KAT6A: variants seen among roughly 807,000 people sequenced by gnomAD.
KAT6A encodes the protein lysine acetyltransferase 6A.
In KAT6A, 9 loss-of-function variants were observed where a neutral mutation model predicts 198.4. That is an observed-to-expected ratio of 0.05 (90% CI 0.03 to 0.08). The LOEUF is 0.08. KAT6A is among the 10% of genes least tolerant of loss of function. KAT6A has a pLI of 1.00. For missense variants in KAT6A, 2,077 were observed against 2,509.9 expected (o/e 0.83, Z 3.69); for synonymous variants, 890 against 883.0 (o/e 1.01, Z -0.14).
chr8:42,045,739 G>A (rs769526545), intron 2 of KAT6A, among the ~76,000 whole-genome samples: 39 of 150,852 alleles, frequency 2.6e-4, no homozygotes, highest in Non-Finnish European at 3.8e-4. Flanking sequence ...TTGAGAGACC[G>A]AGGTGGGCAG....
intron 15 of KAT6A, among the ~76,000 whole-genome samples, chr8:41,938,946 T>A (rs66887162): frequency 0.31 from 37,446 of 122,338 alleles, 6,075 homozygotes; most frequent in African/African-American, 0.48. Context: ...AGACCCCATC[T>A]GGGGAAGGAA....
At chr8:41,939,897 T>C (rs1384296048) in intron 15 of KAT6A, among the ~76,000 whole-genome samples, 4 of 152,238 alleles carry the variant, frequency 2.6e-5, no homozygotes, top group Admixed American at 1.3e-4. Flanking sequence ...CTGTGATAGA[T>C]GTACCACACC....
chr8:41,955,900 A>C (rs570870750), intron 8 of KAT6A, among the ~76,000 whole-genome samples: 9 of 152,314 alleles, frequency 5.9e-5, no homozygotes, highest in Admixed American at 5.2e-4. Flanking sequence ...ATTTAAGAGA[A>C]ATACAAAAAG....
Position 42,048,426 on chromosome 8 carries a change from A to G in KAT6A, c.552T>C (p.Ser184=). 6.2e-7 allele frequency: 1 copy of G among 1,613,924 alleles called. No homozygotes were observed. Among genetic ancestry groups the G allele is most frequent in the Non-Finnish European group, 8.5e-7 (1 of 1,179,842 alleles). ...GGGACACTGGAGGTAAACAGGAAAG[A>G]GACTCACAACTCTCTTTCCCATCCA... ...TNVDGKESCE[S]LSCLPPVSLL... is the part of the protein sequence containing the mutation. The change falls in exon 2 of 17, where the codon TCT becomes TCC. Residue 184 remains serine, a synonymous_variant. Coordinates refer to ENST00000265713, the MANE Select transcript of KAT6A (RefSeq NM_006766.5).
chr8:41,997,063 CTGTT>C (rs1825250765), intron 2 of KAT6A, among the ~76,000 whole-genome samples: 2 of 152,098 alleles, frequency 1.3e-5, no homozygotes, highest in African/African-American at 4.8e-5. Flanking sequence ...GATACAGAGT[CTGTT>C]TGAGATGATG....
At chr8:42,041,162 T>C (rs1256962724) in intron 2 of KAT6A, among the ~76,000 whole-genome samples, 3 of 131,412 alleles carry the variant, frequency 2.3e-5, no homozygotes, top group Non-Finnish European at 4.6e-5. Flanking sequence ...GCCACTGCAC[T>C]CCAGTCTGGG....
At chr8:42,016,194 T>C (rs937967737) in intron 2 of KAT6A, among the ~76,000 whole-genome samples, 2 of 152,208 alleles carry the variant, frequency 1.3e-5, no homozygotes, top group Non-Finnish European at 2.9e-5. Context: ...TCCTTCGCTA[T>C]GTTTATGTGA....
At position 41,932,420 on chromosome 8, in the gene KAT6A, T is replaced by C; in HGVS notation, c.5800A>G (p.Ser1934Gly). The C allele has an allele frequency of 1.2e-6, 2 of 1,614,250 alleles. No homozygotes were observed. The highest frequency in any genetic ancestry group is 1.7e-6 in the Non-Finnish European group (2 of 1,180,046). Residue 1934 changes from serine to glycine, a missense_variant, in exon 17 of 17, where the codon AGC becomes GGC. This residue lies in a region of KAT6A where 500 missense variants were observed against 577.2 expected (regional missense o/e 0.87). Coordinates refer to ENST00000265713, the MANE Select transcript of KAT6A (RefSeq NM_006766.5). ...TAGGCAGGGTTACTATGGTAACTGC[T>C]GTTCATCATGGGCTGTGTCATTCGA... Reference protein sequence around the residue: ...SYRMTQPMMNSSYHSNPAYMN... With the variant: ...SYRMTQPMMNGSYHSNPAYMN...
At chr8:41,957,292 C>T (rs1405242760) in intron 8 of KAT6A, 5 of 563,592 alleles carry the variant, frequency 8.9e-6, no homozygotes, top group African/African-American at 7.5e-5. Context: ...CCTCCACTCC[C>T]AGCTCCCCTG....
At chr8:41,947,178 A>C (rs144176444) in intron 11 of KAT6A, among the ~76,000 whole-genome samples, 302 of 152,348 alleles carry the variant, frequency 2.0e-3, no homozygotes, top group African/African-American at 6.9e-3. Context: ...TTTAAGTCAC[A>C]TCTAACTAAT....
At chr8:42,018,426 C>T (rs998213463) in intron 2 of KAT6A, among the ~76,000 whole-genome samples, 6 of 152,136 alleles carry the variant, frequency 3.9e-5, no homozygotes, top group Non-Finnish European at 5.9e-5. Flanking sequence ...GTAGGAGAAT[C>T]GCTTGAACCC....
intron 2 of KAT6A, among the ~76,000 whole-genome samples, chr8:41,988,550 T>G (rs540824494): frequency 2.2e-4 from 34 of 152,016 alleles, no homozygotes; most frequent in Non-Finnish European, 2.8e-4. Context: ...CGGGGAAAAC[T>G]CCAAAGATAG....
intron 8 of KAT6A, chr8:41,957,793 G>GT (rs1822997001): frequency 6.5e-6 from 1 of 152,996 alleles, no homozygotes; most frequent in Admixed American, 6.5e-5. Flanking sequence ...TATGAAAAGA[G>GT]TATTACTCTT....
intron 14 of KAT6A, chr8:41,942,546 A>G (rs1286703915): frequency 8.4e-6 from 4 of 477,836 alleles, no homozygotes; most frequent in Non-Finnish European, 1.5e-5. Flanking sequence ...CTGGTAACAA[A>G]TATTTTTCTC....
chr8:41,997,498 GAAGT>G (rs1825276806), intron 2 of KAT6A, among the ~76,000 whole-genome samples: 1 of 152,110 alleles, frequency 6.6e-6, no homozygotes, highest in African/African-American at 2.4e-5. Context: ...TACCTACATG[GAAGT>G]TAGTTATCTT....
At chr8:42,003,110 C>T (rs1825573331) in intron 2 of KAT6A, among the ~76,000 whole-genome samples, 1 of 152,176 alleles carries the variant, frequency 6.6e-6, no homozygotes, top group African/African-American at 2.4e-5. Flanking sequence ...GCCGGGAACA[C>T]ACTAGAGGAA....
At chr8:41,942,284 A>T (rs1333444353) in intron 14 of KAT6A, 2 of 228,704 alleles carry the variant, frequency 8.7e-6, no homozygotes, top group East Asian at 1.3e-4. Flanking sequence ...TATTCTATTT[A>T]AGGAAAATGT....
intron 2 of KAT6A, among the ~76,000 whole-genome samples, chr8:42,015,229 A>G (rs1392038020): frequency 6.6e-6 from 1 of 152,224 alleles, no homozygotes; most frequent in Non-Finnish European, 1.5e-5. Context: ...CGGACTACCA[A>G]GCTGGCAGCC....
intron 15 of KAT6A, among the ~76,000 whole-genome samples, chr8:41,938,808 G>A (rs1028438287): frequency 2.6e-5 from 4 of 152,002 alleles, no homozygotes; most frequent in African/African-American, 4.8e-5. Context: ...TTAGCCAGGC[G>A]TGATGGAACA....
Sources: allele counts gnomAD v4.1 joint callset (sites outside exome capture counted in the v4.1 genomes callset), GRCh38; gene constraint gnomAD v4.1.1; regional missense constraint gnomAD v4.1.1; transcripts MANE v1.5; gene names NCBI Gene and HGNC (gene_info 2026-07-23, HGNC 2026-07-21).